Variants in CTNNA3 observed in about 807,000 individuals in gnomAD.
CTNNA3 encodes catenin alpha 3, also known as catenin alpha-3.
CTNNA3 carries 76 observed loss-of-function variants against 95.7 expected under a neutral mutation model. The observed-to-expected ratio is 0.79, with a 90% CI of 0.66 to 0.96. CTNNA3 has a LOEUF of 0.96. Among genes scored for constraint, CTNNA3 ranks in the 40% least tolerant of loss-of-function variants. The pLI is 0.00. For synonymous variants in CTNNA3, 431 were observed against 374.4 expected, an observed-to-expected ratio of 1.15 and a Z score of -1.74; for missense variants, 1,191 against 1,089.8, an observed-to-expected ratio of 1.09 and a Z score of -1.31.
chr10:67,384,710 G>A (rs909382775), intron 5 of CTNNA3, among the ~76,000 whole-genome samples: 7 of 152,168 alleles, frequency 4.6e-5, no homozygotes, highest in African/African-American at 1.7e-4. Flanking sequence ...ACAAATACAG[G>A]AAGCTCGTAT....
At chr10:66,755,152 AT>A (rs1839314022) in intron 9 of CTNNA3, among the ~76,000 whole-genome samples, 1 of 152,184 alleles carries the variant, frequency 6.6e-6, no homozygotes, top group African/African-American at 2.4e-5. Context: ...GTACTGATGC[AT>A]GCTACACATA....
At chr10:67,492,244 A>AG (rs1377872006) in intron 5 of CTNNA3, among the ~76,000 whole-genome samples, 1 of 152,030 alleles carries the variant, frequency 6.6e-6, no homozygotes, top group Non-Finnish European at 1.5e-5. Flanking sequence ...AAAAATTGGG[A>AG]GAAAAAAAAA....
At chr10:67,371,534 C>A (rs905088763) in intron 5 of CTNNA3, among the ~76,000 whole-genome samples, 1 of 152,182 alleles carries the variant, frequency 6.6e-6, no homozygotes, top group South Asian at 2.1e-4. Context: ...CCAGCATCAT[C>A]GATGTCCCTG....
chr10:66,730,953 T>A (rs1848940746), intron 9 of CTNNA3, among the ~76,000 whole-genome samples: 1 of 152,214 alleles, frequency 6.6e-6, no homozygotes. Flanking sequence ...CCTAGGAAAG[T>A]ACAAAGTGAT....
chr10:66,007,294 A>G (rs1037568912), intron 15 of CTNNA3, among the ~76,000 whole-genome samples: 10 of 152,150 alleles, frequency 6.6e-5, no homozygotes, highest in Non-Finnish European at 1.5e-4. Context: ...AGACGTATAC[A>G]TTATTTAAAA....
At chr10:67,164,211 C>A (rs749997085) in intron 7 of CTNNA3, among the ~76,000 whole-genome samples, 10 of 152,048 alleles carry the variant, frequency 6.6e-5, no homozygotes, top group Non-Finnish European at 1.5e-4. Context: ...GATTTCAAGA[C>A]TTATTATATA....
chr10:66,632,759 G>A (rs1845190535), intron 9 of CTNNA3, among the ~76,000 whole-genome samples: 1 of 151,352 alleles, frequency 6.6e-6, no homozygotes, highest in Admixed American at 6.6e-5. Flanking sequence ...TCAAAATATT[G>A]AAAATAAAGT....
At chr10:67,225,509 T>A (rs1864865958) in intron 5 of CTNNA3, among the ~76,000 whole-genome samples, 1 of 152,136 alleles carries the variant, frequency 6.6e-6, no homozygotes, top group Non-Finnish European at 1.5e-5. Context: ...GGAACTGGTA[T>A]CCACAGCTGA....
At chr10:67,283,755 C>T (rs1179143004) in intron 5 of CTNNA3, among the ~76,000 whole-genome samples, 2 of 152,220 alleles carry the variant, frequency 1.3e-5, no homozygotes, top group Non-Finnish European at 2.9e-5. Flanking sequence ...TTGTCTGGGT[C>T]TCTCACTCTG....
chr10:67,187,927 C>T (rs1380443446), intron 6 of CTNNA3, among the ~76,000 whole-genome samples: 4 of 152,164 alleles, frequency 2.6e-5, no homozygotes, highest in African/African-American at 9.6e-5. Context: ...CATCACAAAC[C>T]CCAAGTACTC....
At chr10:67,726,415 A>AATATTAGATATGAAATTATAT (rs1841219541) in intron 1 of CTNNA3, among the ~76,000 whole-genome samples, 2 of 58,972 alleles carry the variant, frequency 3.4e-5, no homozygotes, top group South Asian at 6.2e-4. Flanking sequence ...TATCATATAT[A>AATATTAGATATGAAATTATAT]ATATTATATA....
chr10:66,729,311 G>A (rs893797425), intron 9 of CTNNA3, among the ~76,000 whole-genome samples: 6 of 152,216 alleles, frequency 3.9e-5, no homozygotes, highest in African/African-American at 1.2e-4. Context: ...AGATGCTGGC[G>A]AGGTTACGGA....
At chr10:66,426,405 T>G (rs1344900250) in intron 11 of CTNNA3, among the ~76,000 whole-genome samples, 1 of 152,078 alleles carries the variant, frequency 6.6e-6, no homozygotes, top group Non-Finnish European at 1.5e-5. Context: ...TTGATTACCG[T>G]GCTTTCTTTT....
intron 5 of CTNNA3, among the ~76,000 whole-genome samples, chr10:67,462,402 C>A (rs1193364879): frequency 6.6e-6 from 1 of 152,164 alleles, no homozygotes; most frequent in Non-Finnish European, 1.5e-5. Flanking sequence ...TCACAGTTAT[C>A]TGAATCTGTA....
intron 9 of CTNNA3, among the ~76,000 whole-genome samples, chr10:66,655,111 T>G (rs1275650569): frequency 6.6e-6 from 1 of 152,032 alleles, no homozygotes; most frequent in Non-Finnish European, 1.5e-5. Flanking sequence ...AAATGTTAAC[T>G]ATGTGAAGTA....
At chr10:67,200,350 G>A (rs1490151370) in intron 6 of CTNNA3, among the ~76,000 whole-genome samples, 1 of 152,098 alleles carries the variant, frequency 6.6e-6, no homozygotes, top group Non-Finnish European at 1.5e-5. Context: ...AAAAAGAGAA[G>A]AGAATCCAAC....
chr10:67,260,902 C>T (rs975159517), intron 5 of CTNNA3, among the ~76,000 whole-genome samples: 1 of 152,044 alleles, frequency 6.6e-6, no homozygotes, highest in East Asian at 1.9e-4. Context: ...TCAGGCTGGC[C>T]TCGAACTCCT....
chr10:67,613,447 C>T (rs1462472659), intron 2 of CTNNA3, among the ~76,000 whole-genome samples: 4 of 151,780 alleles, frequency 2.6e-5, no homozygotes, highest in South Asian at 2.1e-4. Flanking sequence ...GTGATTCATA[C>T]GAGGTTACCA....
chr10:67,343,134 A>G (rs1842278221), intron 5 of CTNNA3, among the ~76,000 whole-genome samples: 1 of 152,136 alleles, frequency 6.6e-6, no homozygotes, highest in Non-Finnish European at 1.5e-5. Context: ...TATTTTTAGT[A>G]GAGACAGTGT....
Sources: gnomAD v4.1 joint callset for allele counts (sites outside exome capture counted in the v4.1 genomes callset) on GRCh38, gnomAD v4.1.1 for gene constraint, MANE v1.5 for transcripts, NCBI Gene and HGNC (gene_info 2026-07-23, HGNC 2026-07-21) for gene names.